DCC: variants seen among roughly 807,000 people sequenced by gnomAD.
DCC encodes DCC netrin 1 receptor.
In DCC, 58 loss-of-function variants were observed where a neutral mutation model predicts 172.5. The ratio of observed to expected loss-of-function variants is 0.34; its 90% CI spans 0.27 to 0.42. The LOEUF (loss-of-function observed/expected upper bound fraction) is 0.42, where lower values mean the gene tolerates loss of function less well. Ranked by LOEUF, DCC falls within the 10% of genes least tolerant of loss-of-function variation. The pLI is 1.00. For missense variants in DCC, 1,740 were observed against 1,791.0 expected (o/e 0.97, Z 0.51); for synonymous variants, 709 against 644.5 (o/e 1.10, Z -1.52).
rs187111778 is a variant in DCC, at chr18:52,713,183, C to T, written c.92-38871C>T. The stretch of plus-strand genomic sequence containing the variant: ...TCTCTAGGTCAGTTCTTTTCTCTCG[C>T]ATAGCATGTCTTTCATTTATTATAT... On this transcript the variant is annotated intron_variant, in intron 1 of 28. Coordinates refer to ENST00000442544, the MANE Select transcript of DCC (RefSeq NM_005215.4). Among the ~76,000 whole-genome samples the T allele has an allele frequency of 1.2e-3, 176 of 152,304 alleles. 1 individual carries two copies. Among genetic ancestry groups the T allele is most frequent in the Non-Finnish European group, 2.0e-3 (139 of 68,040 alleles).
At chr18:53,253,783 G>T (rs771934743) in intron 12 of DCC, among the ~76,000 whole-genome samples, 1 of 152,062 alleles carries the variant, frequency 6.6e-6, no homozygotes, top group African/African-American at 2.4e-5. Flanking sequence ...TAAGGAGTTA[G>T]ATTGAAACTA....
intron 1 of DCC, among the ~76,000 whole-genome samples, chr18:52,446,215 C>T (rs116229334): frequency 1.3e-5 from 2 of 152,280 alleles, no homozygotes; most frequent in African/African-American, 4.8e-5. Context: ...GCCACCGTGC[C>T]CGGCCTCCTT....
At chr18:53,529,024 TCTCTCTCTCTCTCTCACACACACA>T (rs1286043531) in intron 28 of DCC, among the ~76,000 whole-genome samples, 5,678 of 82,612 alleles carry the variant, frequency 0.069, 353 homozygotes, top group African/African-American at 0.19. Context: ...TCTCTCTCTC[TCTCTCTCTCTCTCTCACACACACA>T]CACACACACA....
intron 5 of DCC, among the ~76,000 whole-genome samples, chr18:53,013,141 A>G (rs1053455009): frequency 6.6e-6 from 1 of 152,148 alleles, no homozygotes; most frequent in East Asian, 1.9e-4. Context: ...AATTAGTTCA[A>G]CCATTGTGGA....
At chr18:53,215,358 GAA>G (rs142466329) in intron 11 of DCC, among the ~76,000 whole-genome samples, 188 bp from the exon 12 acceptor site, 3 of 148,574 alleles carry the variant, frequency 2.0e-5, no homozygotes, top group African/African-American at 2.5e-5. Context: ...AGCGAAATGA[GAA>G]AAAAAAAATA....
At chr18:52,434,998 T>C (rs1443734136) in intron 1 of DCC, among the ~76,000 whole-genome samples, 2 of 152,260 alleles carry the variant, frequency 1.3e-5, no homozygotes, top group East Asian at 3.8e-4. Context: ...TCACTAGGGC[T>C]AGGTGATTCG....
At chr18:53,023,162 T>A (rs1172813635) in intron 5 of DCC, among the ~76,000 whole-genome samples, 1 of 151,844 alleles carries the variant, frequency 6.6e-6, no homozygotes, top group Non-Finnish European at 1.5e-5. Context: ...TACTTAACAG[T>A]ATAGAAGTAT....
chr18:53,309,945 C>CGTGTGTATATATATATAT (rs2057246084), intron 13 of DCC, among the ~76,000 whole-genome samples: 4 of 98,916 alleles, frequency 4.0e-5, no homozygotes, highest in African/African-American at 1.7e-4. Context: ...TATATATATA[C>CGTGTGTATATATATATAT]ATGTATATAT....
chr18:52,794,940 T>G (rs1359653011), intron 2 of DCC, among the ~76,000 whole-genome samples: 3 of 152,100 alleles, frequency 2.0e-5, no homozygotes, highest in African/African-American at 7.2e-5. Context: ...TATTGATTTA[T>G]GTACATGGAA....
intron 1 of DCC, among the ~76,000 whole-genome samples, chr18:52,572,932 A>G (rs1180745007): frequency 6.6e-6 from 1 of 152,214 alleles, no homozygotes; most frequent in Non-Finnish European, 1.5e-5. Context: ...ATAAATCCAC[A>G]GGTAAACAAA....
At chr18:52,474,243 A>AGAGAGAGAGAGAG (rs1568186671) in intron 1 of DCC, among the ~76,000 whole-genome samples, 1 of 36,250 alleles carries the variant, frequency 2.8e-5, no homozygotes, top group African/African-American at 7.6e-5. Flanking sequence ...AGAGAGAGAG[A>AGAGAGAGAGAGAG]AAGAGAGAGA....
At chr18:52,765,930 C>A (rs1170926911) in intron 2 of DCC, among the ~76,000 whole-genome samples, 2 of 152,116 alleles carry the variant, frequency 1.3e-5, no homozygotes, top group African/African-American at 4.8e-5. Context: ...GTGAAGATTA[C>A]CAAATAATGC....
intron 2 of DCC, among the ~76,000 whole-genome samples, chr18:52,770,822 T>G (rs900374878): frequency 6.6e-6 from 1 of 152,200 alleles, no homozygotes; most frequent in East Asian, 1.9e-4. Flanking sequence ...AAAGTCTGCA[T>G]GTAGAAGTCA....
chr18:53,498,623 C>A (rs1297763969), intron 26 of DCC, among the ~76,000 whole-genome samples: 1 of 151,018 alleles, frequency 6.6e-6, no homozygotes, highest in Non-Finnish European at 1.5e-5. Flanking sequence ...TAGGCACTCA[C>A]AGTAACCGTG....
intron 27 of DCC, among the ~76,000 whole-genome samples, chr18:53,506,492 G>A (rs1488297188): frequency 6.6e-6 from 1 of 152,110 alleles, no homozygotes; most frequent in Non-Finnish European, 1.5e-5. Context: ...CGGAAATTCA[G>A]TGGTTTATTT....
intron 9 of DCC, among the ~76,000 whole-genome samples, chr18:53,197,892 G>A (rs2055471911): frequency 6.6e-6 from 1 of 152,018 alleles, no homozygotes; most frequent in Non-Finnish European, 1.5e-5. Context: ...ATTCATATAT[G>A]CTATGTGACT....
intron 27 of DCC, among the ~76,000 whole-genome samples, chr18:53,511,936 A>G (rs959343993): frequency 1.3e-5 from 2 of 152,244 alleles, no homozygotes; most frequent in African/African-American, 4.8e-5. Flanking sequence ...CAAAGCAACC[A>G]GGAAGCTCGA....
intron 19 of DCC, among the ~76,000 whole-genome samples, chr18:53,409,353 A>C (rs921618916): frequency 1.3e-5 from 2 of 152,178 alleles, no homozygotes; most frequent in Non-Finnish European, 2.9e-5. Context: ...GAATAGGTAA[A>C]TCAAAGGAAG....
At chr18:53,196,088 A>AAGTC (rs2055439015) in intron 9 of DCC, among the ~76,000 whole-genome samples, 1 of 152,180 alleles carries the variant, frequency 6.6e-6, no homozygotes, top group South Asian at 2.1e-4. Context: ...AATTATTTTT[A>AAGTC]AGTCAGTGTG....
Sources: allele counts gnomAD v4.1 joint callset (sites outside exome capture counted in the v4.1 genomes callset), GRCh38; gene constraint gnomAD v4.1.1; transcripts MANE v1.5; gene names NCBI Gene and HGNC (gene_info 2026-07-23, HGNC 2026-07-21).